Variants in TRIOBP observed in about 807,000 individuals in gnomAD.
TRIOBP encodes the protein TRIO and F-actin-binding protein.
In TRIOBP, 169 loss-of-function variants were observed where a neutral mutation model predicts 238.8. That is an observed-to-expected ratio of 0.71 (90% CI 0.62 to 0.80). The LOEUF is 0.80. TRIOBP is among the 30% of genes least tolerant of loss of function. TRIOBP has a pLI of 0.00. For missense variants in TRIOBP, 2,838 were observed against 3,122.6 expected (o/e 0.91, Z 2.17); for synonymous variants, 1,150 against 1,274.4 (o/e 0.90, Z 2.08).
At chr22:37,736,379 C>T (rs184631541) in intron 9 of TRIOBP, among the ~76,000 whole-genome samples, 181 of 152,268 alleles carry the variant, frequency 1.2e-3, no homozygotes, top group African/African-American at 4.3e-3. Context: ...AAAGCCTCCT[C>T]ATCTCCTAGA....
At chr22:37,766,789 CATCTCT>C (rs1926516448) in intron 18 of TRIOBP, among the ~76,000 whole-genome samples, 1 of 147,404 alleles carries the variant, frequency 6.8e-6, no homozygotes, top group Non-Finnish European at 1.5e-5. Flanking sequence ...GGTGAAACCC[CATCTCT>C]ACTAAAAATA....
At chr22:37,742,826 G>A (rs1025155552) in intron 11 of TRIOBP, among the ~76,000 whole-genome samples, 4 of 152,198 alleles carry the variant, frequency 2.6e-5, no homozygotes, top group African/African-American at 9.7e-5. Context: ...CCAGCTCTGT[G>A]TTCACTGCAT....
intron 4 of TRIOBP, 112 bp from the exon 5 acceptor site, chr22:37,713,098 C>G: frequency 1.0e-6 from 1 of 963,974 alleles, no homozygotes; most frequent in South Asian, 1.5e-5. Flanking sequence ...GCTCCCTTTC[C>G]CACACCAGCG....
At chr22:37,731,264 A>C (rs910848850) in intron 7 of TRIOBP, among the ~76,000 whole-genome samples, 5 of 151,982 alleles carry the variant, frequency 3.3e-5, no homozygotes, top group African/African-American at 1.2e-4. Flanking sequence ...CAGCTTCCCA[A>C]GTAGCTGGGA....
intron 21 of TRIOBP, among the ~76,000 whole-genome samples, chr22:37,770,713 C>CTT (rs1466380010): frequency 6.8e-6 from 1 of 146,126 alleles, no homozygotes; most frequent in East Asian, 2.1e-4. Flanking sequence ...GAGACGGAGT[C>CTT]ACTCTGTCAC....
At position 37,731,306 on chromosome 22, in the gene TRIOBP, TA is replaced by T. The variant is rs554531568; in HGVS notation, c.3948-1985del. Reference sequence around the variant, plus strand: ...CCACGTACCACCATGCTCGGCTCATTAAAAAAATTTTTTTTTCCTAGAACAA... The same window carrying T: ...CCACGTACCACCATGCTCGGCTCATTAAAAAATTTTTTTTTCCTAGAACAA... On this transcript the variant is annotated intron_variant, in intron 7 of 23. Transcript: ENST00000644935. Among the ~76,000 whole-genome samples, 967 of 151,998 alleles carry T rather than the reference TA, an allele frequency of 6.4e-3. 3 individuals carry two copies. The highest frequency in any genetic ancestry group is 0.01 in the Non-Finnish European group (681 of 67,974).
intron 17 of TRIOBP, chr22:37,759,645 A>C: frequency 2.0e-6 from 3 of 1,531,644 alleles, no homozygotes; most frequent in Middle Eastern, 2.3e-4. Context: ...CCCTGAACAC[A>C]GGGAAATCCT....
In TRIOBP at chr22:37,724,795, T is replaced by C; in HGVS notation, c.2239T>C (p.Ser747Pro). 6.2e-7 allele frequency: 1 copy of C among 1,612,174 alleles called. No individual in the cohort carries two copies. Among genetic ancestry groups the C allele is most frequent in the South Asian group, 1.1e-5 (1 of 91,022 alleles). The change falls in exon 7 of 24, where the codon TCC (serine) becomes CCC (proline). Residue 747 changes from serine (S) to proline (P), a missense_variant. Transcript: ENST00000644935. ...RTIQRDNPRT[S>P]CAQRDNPRAS... ...CATCCAGCGAGACAACCCCAGAACA[T>C]CCTGTGCCCAGCGGGACAATCCCAG...
rs1924097162 is a variant in TRIOBP at position 37,725,596 on chromosome 22, T to C, written c.3040T>C (p.Cys1014Arg). 1.2e-6 allele frequency: 2 copies of C among 1,613,842 alleles called. No homozygotes were observed. Among genetic ancestry groups the C allele is most frequent in the African/African-American group, 1.3e-5 (1 of 74,884 alleles). Reference protein sequence around the residue: ...LTSPEPSQPPCAVCIGHRDAP... With the variant: ...LTSPEPSQPPRAVCIGHRDAP... The stretch of plus-strand genomic sequence containing the variant: ...CTCTCCTGAGCCCTCCCAGCCTCCA[T>C]GTGCTGTGTGCATTGGGCACCGGGA... The change falls in exon 7 of 24, where the codon TGT (cysteine) becomes CGT (arginine). Residue 1014 changes from cysteine to arginine, a missense_variant. By Grantham distance (180) the Cys-to-Arg change is radical. Transcript: ENST00000644935.
At chr22:37,738,554 A>G (rs557425500) in intron 9 of TRIOBP, 88 bp from the exon 10 acceptor site, 156 of 1,286,970 alleles carry the variant, frequency 1.2e-4, no homozygotes, top group Non-Finnish European at 1.6e-4. Context: ...TTGCATGGAC[A>G]GATGATAGAA....
rs1269802321 is a variant in TRIOBP at position 37,757,798 on chromosome 22, G to A, written c.5873G>A (p.Arg1958Gln). 9.0e-6 allele frequency: 14 copies of A among 1,547,318 alleles called. No individual in the cohort carries two copies. The highest frequency in any genetic ancestry group is 3.6e-5 in the South Asian group (3 of 84,110). Reference protein sequence around the residue: ...LSPLTQASPQRARTPARTPDR... With the variant: ...LSPLTQASPQQARTPARTPDR... ...CCGCTGACCCAGGCTTCCCCGCAGC[G>A]GGCCCGCACCCCAGCCCGCACTCCT... Residue 1958 changes from arginine to glutamine, a missense_variant, in exon 16 of 24, where the codon CGG becomes CAG. Arg to Gln is a conservative substitution (Grantham distance 43). Around this residue, in one of 5 missense-constraint regions of TRIOBP, gnomAD observed 2,096 missense variants for 2,137.4 expected, o/e 0.98. Coordinates refer to ENST00000644935, the MANE Select transcript of TRIOBP (RefSeq NM_001039141.3).
intron 16 of TRIOBP, among the ~76,000 whole-genome samples, chr22:37,758,909 A>C (rs954482047): frequency 6.6e-6 from 1 of 152,134 alleles, no homozygotes; most frequent in Non-Finnish European, 1.5e-5. Context: ...ATCCCTGTCT[A>C]GCCTTCTCTG....
intron 6 of TRIOBP, among the ~76,000 whole-genome samples, chr22:37,716,228 C>A (rs1471703112): frequency 6.6e-6 from 1 of 152,020 alleles, no homozygotes; most frequent in Non-Finnish European, 1.5e-5. Flanking sequence ...TCTCCTGCCC[C>A]AGCCTCCCAA....
rs1303224130 is a variant in TRIOBP, at chr22:37,725,000, C to G, written c.2444C>G (p.Pro815Arg). Residue 815 changes from proline to arginine, a missense_variant, in exon 7 of 24, where the codon CCC (proline) becomes CGC (arginine). Pro to Arg is a moderately radical substitution (Grantham distance 103). Around this residue, in one of 5 missense-constraint regions of TRIOBP, gnomAD observed 2,096 missense variants for 2,137.4 expected, o/e 0.98. Transcript: ENST00000644935. Reference protein sequence around the residue: ...SPIRATQQDNPRTCIQQNIPR... With the variant: ...SPIRATQQDNRRTCIQQNIPR... ...ATCAGAGCCACCCAACAGGACAACC[C>G]CAGAACTTGTATTCAACAGAACATC... 3 of 1,614,040 alleles carry G rather than the reference C, an allele frequency of 1.9e-6. No individual in the cohort carries two copies. The highest frequency in any genetic ancestry group is 1.1e-5 in the South Asian group (1 of 91,070).
At chr22:37,701,769 A>C (rs1193337321) in intron 3 of TRIOBP, among the ~76,000 whole-genome samples, 2 of 152,254 alleles carry the variant, frequency 1.3e-5, no homozygotes, top group Non-Finnish European at 2.9e-5. Flanking sequence ...TATTGAAACA[A>C]AACTTCACAT....
chr22:37,746,068 C>CCCGCCGTCCCGCCGT, intron 11 of TRIOBP, among the ~76,000 whole-genome samples: 3 of 65,680 alleles, frequency 4.6e-5, no homozygotes, highest in South Asian at 9.3e-4. Context: ...CGTCCCGCCG[C>CCCGCCGTCCCGCCGT]CCCGCCGCCC....
At chr22:37,751,479 C>T (rs1026976078) in intron 11 of TRIOBP, 5 of 485,718 alleles carry the variant, frequency 1.0e-5, no homozygotes, top group Admixed American at 6.6e-5. Context: ...CATTCTTGGG[C>T]GAGGGGTCGG....
intron 12 of TRIOBP, 114 bp downstream of exon 12, chr22:37,751,942 C>G: frequency 1.3e-5 from 5 of 383,840 alleles, no homozygotes; most frequent in East Asian, 8.1e-5. Context: ...GGGGGTGGGG[C>G]TGGGAGGGGT....
chr22:37,716,011 G>A lies in TRIOBP; in HGVS notation c.628+77G>A, dbSNP rs768599911. 5.2e-6 allele frequency: 8 copies of A among 1,544,848 alleles called. No individual in the cohort carries two copies. The South Asian group carries it at 8.0e-5, about 16-fold the overall frequency. ...GATAGCCATCTCACTGGCCATTTGG[G>A]ACTCTGGGCACGGCTTACTTTGGTG... On this transcript the variant is annotated intron_variant, in intron 6 of 23. Coordinates refer to ENST00000644935, the MANE Select transcript of TRIOBP (RefSeq NM_001039141.3).
Sources: allele counts gnomAD v4.1 joint callset (sites outside exome capture counted in the v4.1 genomes callset), GRCh38; gene constraint gnomAD v4.1.1; regional missense constraint gnomAD v4.1.1; transcripts MANE v1.5; gene names NCBI Gene and HGNC (gene_info 2026-07-23, HGNC 2026-07-21).